The following SLC38A10 variants were observed in gnomAD, a reference collection of about 807,000 sequenced individuals.
The protein encoded by SLC38A10 is Sodium-coupled neutral amino acid transporter 10.
SLC38A10 carries 53 observed loss-of-function variants against 81.0 expected under a neutral mutation model. That is an observed-to-expected ratio of 0.65 (90% CI 0.53 to 0.82). SLC38A10 has a LOEUF of 0.82. SLC38A10 is among the 40% of genes least tolerant of loss of function. The pLI is 0.00. For missense variants in SLC38A10, 1,471 were observed against 1,545.0 expected (o/e 0.95, Z 0.80); for synonymous variants, 665 against 655.3 (o/e 1.01, Z -0.23).
intron 9 of SLC38A10, among the ~76,000 whole-genome samples, chr17:81,272,007 G>T (rs1277537688): frequency 6.6e-6 from 1 of 151,920 alleles, no homozygotes; most frequent in Non-Finnish European, 1.5e-5. Flanking sequence ...GATTACAGGC[G>T]TGAGCCACTG....
Position 81,246,909 on chromosome 17 carries a change from C to T in SLC38A10, c.2218G>A (p.Asp740Asn), listed in dbSNP as rs2062857565. 1.2e-6 allele frequency: 2 copies of T among 1,603,398 alleles called. No individual in the cohort carries two copies. Among genetic ancestry groups the T allele is most frequent in the African/African-American group, 1.3e-5 (1 of 74,860 alleles). ...HKEIHQQRQEDEEDKPRQVEV... is the reference protein window; with the variant it reads ...HKEIHQQRQENEEDKPRQVEV... ...CCCTGCCTGGGTTTATCCTCCTCGT[C>T]CTCCTGCCTCTGCTGGTGGATCTCC... Residue 740 changes from aspartate (D) to asparagine (N), a missense_variant, in exon 15 of 16, where the codon GAC becomes AAC. Asp to Asn is a conservative substitution (Grantham distance 23). Transcript: ENST00000374759.
chr17:81,245,594 G>A lies in SLC38A10; in HGVS notation c.3322C>T (p.Gln1108Ter). 6.2e-7 allele frequency: 1 copy of A among 1,611,448 alleles called. No homozygotes were observed. Among genetic ancestry groups the A allele is most frequent in the Non-Finnish European group, 8.5e-7 (1 of 1,179,418 alleles). ...GGAGGCCCAGGCGCCTGTCTAAGCTGCCGGCTGTGGACCACCTGCAGAGCT... is the reference window on the plus strand; with the variant it reads ...GGAGGCCCAGGCGCCTGTCTAAGCTACCGGCTGTGGACCACCTGCAGAGCT... Reference protein sequence around the residue: ...GGALQVVHSRQLRQAPGPPEE... With the variant: ...GGALQVVHSR The change falls in exon 16 of 16, where the codon CAG becomes TAG. Residue 1108 changes from glutamine to a stop codon, truncating the protein, a stop_gained. Coordinates refer to ENST00000374759, the MANE Select transcript of SLC38A10 (RefSeq NM_001037984.3). LOFTEE classifies it high-confidence loss of function.
intron 3 of SLC38A10, among the ~76,000 whole-genome samples, chr17:81,284,634 G>A (rs1041788649): frequency 1.3e-5 from 2 of 152,206 alleles, no homozygotes; most frequent in Admixed American, 6.5e-5. Flanking sequence ...CTACAACTGA[G>A]GGAGGACTGT....
intron 1 of SLC38A10, among the ~76,000 whole-genome samples, chr17:81,291,098 C>T (rs557555371): frequency 3.9e-5 from 6 of 152,186 alleles, no homozygotes; most frequent in Admixed American, 1.3e-4. Context: ...TAGTGCGAGA[C>T]GTCAGTCACG....
At chr17:81,257,941 G>A (rs751005019) in intron 11 of SLC38A10, among the ~76,000 whole-genome samples, 4 of 152,214 alleles carry the variant, frequency 2.6e-5, no homozygotes, top group African/African-American at 4.8e-5. Flanking sequence ...CACAAAACCC[G>A]AACCCAGCCC....
chr17:81,257,948 G>T (rs1465073265), intron 11 of SLC38A10, among the ~76,000 whole-genome samples: 1 of 152,250 alleles, frequency 6.6e-6, no homozygotes, highest in African/African-American at 2.4e-5. Flanking sequence ...CCCGAACCCA[G>T]CCCTAGCCTT....
chr17:81,291,156 T>G (rs1417496635), intron 1 of SLC38A10, among the ~76,000 whole-genome samples: 1 of 151,970 alleles, frequency 6.6e-6, no homozygotes, highest in Admixed American at 6.6e-5. Context: ...CACTTTCCAG[T>G]CTGTTGTTCT....
At chr17:81,249,964 C>G in intron 14 of SLC38A10, 1 of 1,054,942 alleles carries the variant, frequency 9.5e-7, no homozygotes, top group Non-Finnish European at 1.2e-6. Flanking sequence ...ACACGTGTCC[C>G]CATGCAGGGC....
In SLC38A10 at chr17:81,289,635, A is replaced by G; in HGVS notation, c.217+56T>C. ...GTAGAGTAAATAAATAAATAAATAAATGGAATAAGGCCCCCGCCCCAGGTC... is the reference window on the plus strand; with the variant it reads ...GTAGAGTAAATAAATAAATAAATAAGTGGAATAAGGCCCCCGCCCCAGGTC... On this transcript the variant is annotated intron_variant, in intron 2 of 15. Transcript: ENST00000374759. This position sits in a 1 kb window ranked among gnomAD's most constrained non-coding sequence, Gnocchi z 5.9. 2 of 1,168,474 alleles carry G rather than the reference A, an allele frequency of 1.7e-6. No individual in the cohort carries two copies. The highest frequency in any genetic ancestry group is 5.2e-5 in the Admixed American group (2 of 38,292). The allele number at this position is 1,168,474 out of a possible 1,614,324, so 72.4% of individuals were successfully genotyped here.
At position 81,268,638 on chromosome 17, in the gene SLC38A10, T is replaced by C. The variant is rs543970737; in HGVS notation, c.1131+2280A>G. Among the ~76,000 whole-genome samples, 59 of 152,244 alleles carry C rather than the reference T, an allele frequency of 3.9e-4. 1 individual carries two copies. The highest frequency in any genetic ancestry group is 5.1e-4 in the Non-Finnish European group (35 of 68,014). The stretch of plus-strand genomic sequence containing the variant: ...GTTTTAAATAAGGGTTGATATCAAC[T>C]GCCTAGTATAATCATTAGAAGAATA... On this transcript the variant is annotated intron_variant, in intron 10 of 15. Coordinates refer to ENST00000374759, the MANE Select transcript of SLC38A10 (RefSeq NM_001037984.3).
rs942251943 is a variant in SLC38A10, at chr17:81,245,434, A to C, written c.*122T>G. 1.6e-6 allele frequency: 2 copies of C among 1,252,724 alleles called. No homozygotes were observed. Among genetic ancestry groups the C allele is most frequent in the Admixed American group, 4.7e-5 (2 of 42,764 alleles). 77.6% of individuals were successfully genotyped at this position (1,252,724 alleles called of 1,614,324 possible). A position where few individuals can be genotyped will look rare whatever the true frequency, so the allele number is the denominator to read the frequency against. ...GTCACTCACACTTGGTGAGGGCCTC[A>C]GACATGAAACCCTGGGGAGAGGCGA... On this transcript the variant is annotated 3_prime_UTR_variant, in exon 16 of 16. Coordinates refer to ENST00000374759, the MANE Select transcript of SLC38A10 (RefSeq NM_001037984.3).
chr17:81,267,652 A>G (rs2063081193), intron 10 of SLC38A10, among the ~76,000 whole-genome samples: 1 of 152,308 alleles, frequency 6.6e-6, no homozygotes, highest in African/African-American at 2.4e-5. Flanking sequence ...AAACTCACCA[A>G]GAAACTTCCT....
rs1181793267 is a variant in SLC38A10 at position 81,295,176 on chromosome 17, C to T, written c.-255G>A. 2.9e-6 allele frequency: 1 copy of T among 343,886 alleles called. No individual in the cohort carries two copies. The highest frequency in any genetic ancestry group is 4.6e-6 in the Non-Finnish European group (1 of 218,904). The allele number at this position is 343,886 out of a possible 1,614,324, so 21.3% of individuals were successfully genotyped here. A position where few individuals can be genotyped will look rare whatever the true frequency, so the allele number is the denominator to read the frequency against. The stretch of plus-strand genomic sequence containing the variant: ...GGACCCCGCCAAGCCCTGCGGCCGC[C>T]TCAGGGCCATGCGTCCCTCGCTCGG... On this transcript the variant is annotated 5_prime_UTR_variant, in exon 1 of 16. Transcript: ENST00000374759.
chr17:81,262,667 G>A (rs1163278699), intron 10 of SLC38A10, among the ~76,000 whole-genome samples: 4 of 152,216 alleles, frequency 2.6e-5, no homozygotes, highest in South Asian at 2.1e-4. Context: ...CTTTGCCACC[G>A]GCTGGTCAGG....
At chr17:81,266,224 G>A (rs1253255053) in intron 10 of SLC38A10, among the ~76,000 whole-genome samples, 1 of 152,208 alleles carries the variant, frequency 6.6e-6, no homozygotes, top group Non-Finnish European at 1.5e-5. Flanking sequence ...TTAGCTGCAG[G>A]TGAAAAGCCA....
intron 10 of SLC38A10, among the ~76,000 whole-genome samples, chr17:81,269,227 T>C (rs2063094121): frequency 6.6e-6 from 1 of 152,190 alleles, no homozygotes; most frequent in African/African-American, 2.4e-5. Context: ...AAAAAATCCA[T>C]AAGGGGCTGG....
chr17:81,259,862 G>A (rs1015540849), intron 11 of SLC38A10, among the ~76,000 whole-genome samples: 3 of 152,298 alleles, frequency 2.0e-5, no homozygotes, highest in East Asian at 3.9e-4. Flanking sequence ...AGGCCTGATC[G>A]CCGACCCTGT....
intron 10 of SLC38A10, among the ~76,000 whole-genome samples, chr17:81,268,889 G>C (rs1290925351): frequency 1.3e-5 from 2 of 152,144 alleles, no homozygotes; most frequent in East Asian, 3.9e-4. Flanking sequence ...GCTGTTATAA[G>C]AGACATACCA....
At position 81,289,782 on chromosome 17, in the gene SLC38A10, G is replaced by C. The variant is rs150016130; in HGVS notation, c.126C>G (p.Leu42=). The change falls in exon 2 of 16, where the codon CTC becomes CTG. Residue 42 remains leucine (L), a synonymous_variant. Coordinates refer to ENST00000374759, the MANE Select transcript of SLC38A10 (RefSeq NM_001037984.3). This position sits in a 1 kb window ranked among gnomAD's most constrained non-coding sequence, Gnocchi z 5.9. ...GCGTCATCCATGAGCAGAAGACCAA[G>C]AGCAGCGCCCCCAGGACGATGCCGC... The part of the protein sequence containing the change: ...KQCGIVLGAL[L]LVFCSWMTHQ... 2.5e-6 allele frequency: 4 copies of C among 1,607,102 alleles called. No individual in the cohort carries two copies. The East Asian group carries it at 9.0e-5, about 36-fold the overall frequency.
Sources: gnomAD v4.1 joint callset for allele counts (sites outside exome capture counted in the v4.1 genomes callset) on GRCh38, gnomAD v4.1.1 for gene constraint, Gnocchi (gnomAD v3.1) non-coding constraint, MANE v1.5 for transcripts, NCBI Gene and HGNC (gene_info 2026-07-23, HGNC 2026-07-21) for gene names.